Variants in OPRM1 observed in about 807,000 individuals in gnomAD.
OPRM1 encodes the protein mu-type opioid receptor.
OPRM1 carries 27 observed loss-of-function variants against 31.8 expected under a neutral mutation model. That is an observed-to-expected ratio of 0.85 (90% CI 0.63 to 1.17). OPRM1 has a LOEUF of 1.17. Ranked by LOEUF, OPRM1 falls within the 50% of genes most tolerant of loss-of-function variation. The pLI is 0.00. For synonymous variants in OPRM1, 196 were observed against 189.9 expected, an observed-to-expected ratio of 1.03 and a Z score of -0.26; for missense variants, 536 against 511.1, an observed-to-expected ratio of 1.05 and a Z score of -0.47.
At chr6:154,115,602 A>G (rs1796784327) in intron 3 of OPRM1, among the ~76,000 whole-genome samples, 1 of 152,198 alleles carries the variant, frequency 6.6e-6, no homozygotes, top group Non-Finnish European at 1.5e-5. Context: ...CTCTACCTCC[A>G]TTGTTCCCCC....
intron 1 of OPRM1, among the ~76,000 whole-genome samples, chr6:154,049,961 A>G (rs567703453): frequency 5.9e-5 from 9 of 152,138 alleles, no homozygotes; most frequent in South Asian, 2.1e-4. Flanking sequence ...ATTGGCCTGT[A>G]TTTTTCTTTT....
chr6:154,176,861 G>A (rs1365204523), intron 3 of OPRM1, among the ~76,000 whole-genome samples: 2 of 152,244 alleles, frequency 1.3e-5, no homozygotes, highest in Admixed American at 6.5e-5. Flanking sequence ...AACAAAGCTG[G>A]AGGCATCATG....
chr6:154,108,973 A>T, intron 3 of OPRM1: 1 of 984,268 alleles, frequency 1.0e-6, no homozygotes, highest in South Asian at 4.7e-5. Flanking sequence ...AGTCATGGGG[A>T]TTTTATTTCA....
At chr6:154,199,921 T>C in intron 3 of OPRM1, 1 of 1,614,236 alleles carries the variant, frequency 6.2e-7, no homozygotes, top group Non-Finnish European at 8.5e-7. Flanking sequence ...GCAAGGATTG[T>C]CTCTCTTTAG....
chr6:154,054,367 C>CAAAAA (rs1194794442), intron 1 of OPRM1, among the ~76,000 whole-genome samples: 2 of 53,058 alleles, frequency 3.8e-5, no homozygotes, highest in African/African-American at 6.2e-5. Flanking sequence ...GACTCCGTCT[C>CAAAAA]AAAAAAAAAA....
chr6:154,199,241 T>C (rs550941230), intron 3 of OPRM1, among the ~76,000 whole-genome samples: 3 of 152,354 alleles, frequency 2.0e-5, no homozygotes, highest in South Asian at 4.1e-4. Flanking sequence ...TTAGATACTG[T>C]CTGGGGCACA....
intron 1 of OPRM1, among the ~76,000 whole-genome samples, chr6:154,027,322 A>C (rs147391824): frequency 0.023 from 3,353 of 147,476 alleles, 52 homozygotes; most frequent in Middle Eastern, 0.069. Context: ...CTTTCTCCAA[A>C]ACAAATGGAG....
chr6:154,176,355 T>C (rs1800327824), intron 3 of OPRM1, among the ~76,000 whole-genome samples: 1 of 152,194 alleles, frequency 6.6e-6, no homozygotes, highest in Admixed American at 6.5e-5. Flanking sequence ...ATAAAGTGTA[T>C]TCAATTAGGA....
chr6:154,163,351 G>C (rs191103339), intron 3 of OPRM1, among the ~76,000 whole-genome samples: 24 of 152,196 alleles, frequency 1.6e-4, no homozygotes, highest in Non-Finnish European at 3.1e-4. Flanking sequence ...CGGCCTCAGA[G>C]AACCTCAAGC....
intron 3 of OPRM1, chr6:154,158,237 A>C (rs1798792254): frequency 6.6e-6 from 1 of 152,222 alleles, no homozygotes; most frequent in Admixed American, 6.5e-5. Context: ...ATAAAACAAA[A>C]TAGGTTGTGT....
chr6:154,042,323 A>C (rs965919817), intron 1 of OPRM1, among the ~76,000 whole-genome samples: 2 of 152,202 alleles, frequency 1.3e-5, no homozygotes, highest in African/African-American at 4.8e-5. Context: ...TTAAACTACA[A>C]AATGATCAGT....
rs1289837793 is a variant in OPRM1 at position 154,119,001 on chromosome 6, G to T, written c.*280G>T. 1 of 1,180,248 alleles carries T rather than the reference G, an allele frequency of 8.5e-7. No homozygotes were observed. The highest frequency in any genetic ancestry group is 1.0e-6 in the Non-Finnish European group (1 of 953,544). 73.1% of individuals were successfully genotyped at this position (1,180,248 alleles called of 1,614,324 possible). A position where few individuals can be genotyped will look rare whatever the true frequency, so the allele number is the denominator to read the frequency against. On this transcript the variant is annotated 3_prime_UTR_variant, in exon 4 of 4. Transcript: ENST00000330432. ...AACCCATCGTGGTATGTGAATTGAA[G>T]TCATCATAAAAGGTGACCCTTCTGT...
chr6:154,018,185 G>A (rs569204904), intron 1 of OPRM1, among the ~76,000 whole-genome samples: 1 of 152,222 alleles, frequency 6.6e-6, no homozygotes. Context: ...TTGGGAGACC[G>A]AGGTGGATGG....
At chr6:154,179,008 T>C (rs1475742466) in intron 3 of OPRM1, among the ~76,000 whole-genome samples, 1 of 152,204 alleles carries the variant, frequency 6.6e-6, no homozygotes, top group Non-Finnish European at 1.5e-5. Flanking sequence ...AACATATCAC[T>C]AAATACTCAG....
intron 3 of OPRM1, among the ~76,000 whole-genome samples, chr6:154,237,059 G>C (rs139923922): frequency 8.5e-4 from 129 of 152,306 alleles, no homozygotes; most frequent in Middle Eastern, 3.4e-3. Flanking sequence ...AAACACAGCA[G>C]CACAGTGACA....
intron 1 of OPRM1, among the ~76,000 whole-genome samples, chr6:154,018,706 A>C (rs187356823): frequency 2.0e-4 from 31 of 152,266 alleles, no homozygotes; most frequent in Non-Finnish European, 3.5e-4. Flanking sequence ...ACCCCTGAGA[A>C]TACTACTATC....
At chr6:154,037,358 TAAAA>T (rs772557966), upstream of OPRM1, among the ~76,000 whole-genome samples, 1 of 124,294 alleles carries the variant, frequency 8.0e-6, no homozygotes. Context: ...AAAATAAAAC[TAAAA>T]AAAAAAAAAA....
chr6:154,053,055 C>G (rs924989005), intron 1 of OPRM1, among the ~76,000 whole-genome samples: 2 of 152,176 alleles, frequency 1.3e-5, no homozygotes, highest in African/African-American at 4.8e-5. Context: ...ACCCCCAACC[C>G]TTTATTTGAC....
intron 3 of OPRM1, among the ~76,000 whole-genome samples, chr6:154,218,557 C>A (rs954449914): frequency 1.3e-5 from 2 of 152,118 alleles, no homozygotes; most frequent in African/African-American, 4.8e-5. Flanking sequence ...CAAGTAATAC[C>A]CAGATACATT....
Sources: allele counts gnomAD v4.1 joint callset (sites outside exome capture counted in the v4.1 genomes callset), GRCh38; gene constraint gnomAD v4.1.1; transcripts MANE v1.5; gene names NCBI Gene and HGNC (gene_info 2026-07-23, HGNC 2026-07-21).